Variants in SLC9C2 observed in about 807,000 individuals in gnomAD.
The protein encoded by SLC9C2 is solute carrier family 9 member C2 (putative), also known as sodium/hydrogen exchanger 11.
SLC9C2 carries 75 observed loss-of-function variants against 140.2 expected under a neutral mutation model. The ratio of observed to expected loss-of-function variants is 0.53; its 90% confidence interval spans 0.44 to 0.65. The LOEUF is 0.65. Among genes scored for constraint, SLC9C2 ranks in the 30% least tolerant of loss-of-function variants. The probability of loss-of-function intolerance (pLI) is 0.00; values close to 1 mark genes in which losing one functional copy is unlikely to be tolerated. For synonymous variants in SLC9C2, 375 were observed against 420.9 expected (o/e 0.89, Z 1.34); for missense variants, 1,074 against 1,331.8 (o/e 0.81, Z 3.01).
At chr1:173,571,757 G>T (rs1664854955) in intron 9 of SLC9C2, 1 of 152,128 alleles carries the variant, frequency 6.6e-6, no homozygotes, top group Non-Finnish European at 1.5e-5. Context: ...TTTAGTAGGT[G>T]CTTGATAAAT....
intron 17 of SLC9C2, among the ~76,000 whole-genome samples, chr1:173,533,353 C>T (rs1466415185): frequency 6.6e-6 from 1 of 152,120 alleles, no homozygotes; most frequent in Admixed American, 6.5e-5. Context: ...AATCTCAGCT[C>T]ACTGCAGCCT....
intron 8 of SLC9C2, among the ~76,000 whole-genome samples, chr1:173,575,555 T>TTTG (rs1191996002): frequency 6.6e-6 from 1 of 151,976 alleles, no homozygotes; most frequent in South Asian, 2.1e-4. Context: ...GCCCATGTTT[T>TTTG]TTGTTGTTGT....
At chr1:173,551,651 G>A (rs1437092460) in intron 11 of SLC9C2, among the ~76,000 whole-genome samples, 1 of 152,034 alleles carries the variant, frequency 6.6e-6, no homozygotes, top group African/African-American at 2.4e-5. Context: ...ATTGCGTTGG[G>A]GCACCACAAA....
In SLC9C2 at chr1:173,506,939, T is replaced by C. The variant is rs749355379; in HGVS notation, c.3142A>G (p.Ile1048Val). The stretch of plus-strand genomic sequence containing the variant: ...TCAATTACACTGCCATACACAATGA[T>C]AACAAATTTCATGGTCATATTATCA... ...IIDNMTMKFV[I>V]IVYGSVIDTK... The change falls in exon 25 of 28, where the codon ATC (isoleucine) becomes GTC (valine). Residue 1048 changes from isoleucine to valine, a missense_variant. Physicochemically the swap from Ile to Val is conservative, Grantham distance 29. Coordinates refer to ENST00000367714, the MANE Select transcript of SLC9C2 (RefSeq NM_178527.4). The C allele has an allele frequency of 6.2e-6, 10 of 1,613,628 alleles. No homozygotes were observed. The South Asian group carries it at 1.1e-4, about 18-fold the overall frequency.
intron 9 of SLC9C2, among the ~76,000 whole-genome samples, chr1:173,566,060 G>A (rs1033790119): frequency 3.3e-5 from 5 of 151,966 alleles, no homozygotes; most frequent in Admixed American, 6.5e-5. Context: ...TCTTTTTAAT[G>A]CATTGTTGAA....
intron 9 of SLC9C2, among the ~76,000 whole-genome samples, chr1:173,568,955 T>C (rs775452932): frequency 7.9e-5 from 12 of 152,178 alleles, no homozygotes; most frequent in South Asian, 2.1e-4. Flanking sequence ...TTCTTTCAGA[T>C]TGAAAAACTC....
In SLC9C2 at chr1:173,541,183, A is replaced by C. The variant is rs575278748; in HGVS notation, c.1558-4144T>G. The stretch of plus-strand genomic sequence containing the variant: ...AAGATCTACCAAGCAAATGGAAAGC[A>C]AAAAAAAAAAGCAGGGGTTGCAATC... On this transcript the variant is annotated intron_variant, in intron 13 of 27. Coordinates refer to ENST00000367714, the MANE Select transcript of SLC9C2 (RefSeq NM_178527.4). Among the ~76,000 whole-genome samples, 388 of 144,278 alleles carry C rather than the reference A, an allele frequency of 2.7e-3. 1 individual carries two copies. The highest frequency in any genetic ancestry group is 9.3e-3 in the African/African-American group (365 of 39,244). 94.7% of individuals were successfully genotyped at this position (144,278 alleles called of 152,430 possible). A position where few individuals can be genotyped will look rare whatever the true frequency, so the allele number is the denominator to read the frequency against.
At chr1:173,563,510 C>T (rs906799484) in intron 9 of SLC9C2, among the ~76,000 whole-genome samples, 2 of 151,922 alleles carry the variant, frequency 1.3e-5, no homozygotes, top group East Asian at 1.9e-4. Context: ...TAAAACAATA[C>T]ATGAATACTG....
intron 10 of SLC9C2, among the ~76,000 whole-genome samples, chr1:173,555,690 G>A (rs1318564300): frequency 6.6e-6 from 1 of 152,138 alleles, no homozygotes; most frequent in Non-Finnish European, 1.5e-5. Context: ...TTCTTTTGGA[G>A]CATGGAAAGA....
intron 7 of SLC9C2, among the ~76,000 whole-genome samples, chr1:173,580,467 T>G (rs1665458858): frequency 6.6e-6 from 1 of 152,178 alleles, no homozygotes; most frequent in South Asian, 2.1e-4. Flanking sequence ...TTCTTGTGAC[T>G]TAGCCTCCCC....
At chr1:173,549,767 C>T (rs954897558) in intron 11 of SLC9C2, among the ~76,000 whole-genome samples, 7 of 152,052 alleles carry the variant, frequency 4.6e-5, no homozygotes, top group African/African-American at 1.4e-4. Flanking sequence ...AATCTTTATT[C>T]CACAGTGAGT....
At chr1:173,533,914 G>A (rs1264377945) in intron 16 of SLC9C2, 117 bp from the exon 17 acceptor site, 15 of 1,146,182 alleles carry the variant, frequency 1.3e-5, no homozygotes, top group Non-Finnish European at 1.7e-5. Flanking sequence ...CGAAAGTTGA[G>A]CTTTAAGTTA....
chr1:173,510,497 C>A (rs928468973), intron 23 of SLC9C2, among the ~76,000 whole-genome samples: 3 of 152,062 alleles, frequency 2.0e-5, no homozygotes, highest in African/African-American at 7.2e-5. Context: ...CCCCTCAATC[C>A]CCAAACGGCC....
intron 13 of SLC9C2, among the ~76,000 whole-genome samples, chr1:173,544,899 C>T (rs150285979): frequency 2.6e-5 from 4 of 152,084 alleles, no homozygotes; most frequent in Non-Finnish European, 4.4e-5. Context: ...GGAGAAATAC[C>T]TAACGTAAAT....
At chr1:173,531,720 G>A (rs1426962217) in intron 17 of SLC9C2, among the ~76,000 whole-genome samples, 4 of 152,154 alleles carry the variant, frequency 2.6e-5, no homozygotes, top group East Asian at 1.9e-4. Context: ...TTACTGCGGC[G>A]CCGCCAGCCC....
chr1:173,509,444 CA>C (rs35439430), intron 24 of SLC9C2, 123 bp downstream of exon 24: 66,823 of 716,206 alleles, frequency 0.093, no homozygotes, highest in Middle Eastern at 0.13. Flanking sequence ...GCCTCTGTCT[CA>C]AAAAAAAAAA....
At chr1:173,593,342 A>G (rs1358735573) in intron 4 of SLC9C2, among the ~76,000 whole-genome samples, 2 of 152,156 alleles carry the variant, frequency 1.3e-5, no homozygotes, top group African/African-American at 2.4e-5. Context: ...CAACATGGTA[A>G]AACCCCATCT....
At chr1:173,587,902 T>C in intron 4 of SLC9C2, 72 bp from the exon 5 acceptor site, 2 of 1,189,302 alleles carry the variant, frequency 1.7e-6, no homozygotes, top group Non-Finnish European at 2.4e-6. Context: ...ACTTATATCC[T>C]AAGAGTCAGA....
In SLC9C2 at chr1:173,511,181, G is replaced by A. The variant is rs934705216; in HGVS notation, c.2908-1482C>T. 4.0e-5 allele frequency among the ~76,000 whole-genome samples: 6 copies of A among 151,650 alleles called. No individual in the cohort carries two copies. In the South Asian group the frequency reaches 6.2e-4, roughly 16 times the overall value. On this transcript the variant is annotated intron_variant, in intron 23 of 27. Coordinates refer to ENST00000367714, the MANE Select transcript of SLC9C2 (RefSeq NM_178527.4). ...CCCGAGTAGCTGGGACTATAAGTGC[G>A]CCACCATGCCCAGCTAGTTTTTGTA... is the stretch of plus-strand genomic sequence containing the variant.
Sources: allele counts gnomAD v4.1 joint callset (sites outside exome capture counted in the v4.1 genomes callset), GRCh38; gene constraint gnomAD v4.1.1; transcripts MANE v1.5; gene names NCBI Gene and HGNC (gene_info 2026-07-23, HGNC 2026-07-21).